Variants in RCHY1 observed in about 807,000 individuals in gnomAD.
RCHY1 encodes RING finger and CHY zinc finger domain-containing protein 1.
In RCHY1, 21 loss-of-function variants were observed where a neutral mutation model predicts 41.6. That is an observed-to-expected ratio of 0.51 (90% confidence interval 0.36 to 0.73). The LOEUF is 0.73. Among genes scored for constraint, RCHY1 ranks in the 30% least tolerant of loss-of-function variants. The probability of loss-of-function intolerance (pLI) is 0.00; values close to 1 mark genes in which losing one functional copy is unlikely to be tolerated. For synonymous variants in RCHY1, 79 were observed against 102.9 expected (o/e 0.77, Z 1.41); for missense variants, 265 against 325.3 (o/e 0.81, Z 1.43).
chr4:75,509,408 C>T, intron 1 of RCHY1, 112 bp from the exon 2 acceptor site: 1 of 922,342 alleles, frequency 1.1e-6, no homozygotes. Context: ...AAGATTACAA[C>T]CAATAGATCA....
At chr4:75,487,577 CAT>C (rs372405343) in intron 8 of RCHY1, among the ~76,000 whole-genome samples, 14,784 of 44,848 alleles carry the variant, frequency 0.33, 2,602 homozygotes, top group South Asian at 0.39. Context: ...TATATATATT[CAT>C]ATATATATTC....
chr4:75,512,449 G>A (rs549118475), intron 1 of RCHY1, among the ~76,000 whole-genome samples: 1 of 152,200 alleles, frequency 6.6e-6, no homozygotes, highest in Non-Finnish European at 1.5e-5. Flanking sequence ...ATGTTTCTAA[G>A]GCCAACTCCT....
chr4:75,490,512 C>A, intron 8 of RCHY1, 69 bp downstream of exon 8: 1 of 1,330,126 alleles, frequency 7.5e-7, no homozygotes, highest in Non-Finnish European at 1.0e-6. Context: ...TTGGCAAATT[C>A]AAGCAGGAGG....
At position 75,514,399 on chromosome 4, in the gene RCHY1, A is replaced by C; in HGVS notation, c.-113T>G. On this transcript the variant is annotated 5_prime_UTR_variant, in exon 1 of 9. The change creates a new upstream start codon in the 5' untranslated region. Transcript: ENST00000324439. ...CCCAGCCCCAGCGGCCACTAGCGAC[A>C]ATATGGCTCCTAAGCACGTGACCCG... 4.8e-6 allele frequency: 6 copies of C among 1,242,750 alleles called. No homozygotes were observed. The South Asian group carries it at 8.9e-5, about 18-fold the overall frequency. The allele number at this position is 1,242,750 out of a possible 1,614,324, so 77.0% of individuals were successfully genotyped here.
chr4:75,480,259 G>A lies in RCHY1; in HGVS notation c.*2279C>T, dbSNP rs1560505892. The A allele has an allele frequency of 2.0e-5, 3 of 152,160 alleles. No individual in the cohort carries two copies. The highest frequency in any genetic ancestry group is 4.1e-4 in the South Asian group (2 of 4,834). 9.4% of individuals were successfully genotyped at this position (152,160 alleles called of 1,614,324 possible). ...TATTTTGGACATGTTTGGATCCTAAGTTAAAGAAACAATCAGATTGTGAAA... is the reference window on the plus strand; with the variant it reads ...TATTTTGGACATGTTTGGATCCTAAATTAAAGAAACAATCAGATTGTGAAA... On this transcript the variant is annotated 3_prime_UTR_variant, in exon 9 of 9. Transcript: ENST00000324439.
intron 3 of RCHY1, among the ~76,000 whole-genome samples, chr4:75,505,305 C>T (rs1724188639): frequency 6.6e-6 from 1 of 152,186 alleles, no homozygotes; most frequent in Non-Finnish European, 1.5e-5. Context: ...ACAGGCCATG[C>T]ACCAGAATCC....
chr4:75,502,657 C>G (rs1455398417), intron 3 of RCHY1, among the ~76,000 whole-genome samples: 2 of 152,124 alleles, frequency 1.3e-5, no homozygotes, highest in Non-Finnish European at 2.9e-5. Context: ...TTTCATAAAT[C>G]TGATACATTA....
At chr4:75,510,968 T>G (rs1724806178) in intron 1 of RCHY1, among the ~76,000 whole-genome samples, 1 of 152,156 alleles carries the variant, frequency 6.6e-6, no homozygotes, top group Admixed American at 6.5e-5. Context: ...TTTAATAGCC[T>G]TTTTGGAGAA....
chr4:75,510,258 G>A (rs184884910), intron 1 of RCHY1, among the ~76,000 whole-genome samples: 4 of 152,200 alleles, frequency 2.6e-5, no homozygotes, highest in Admixed American at 2.0e-4. Flanking sequence ...TCTCATCCCT[G>A]GAGTGACCAT....
At chr4:75,488,041 C>T (rs981059234) in intron 8 of RCHY1, among the ~76,000 whole-genome samples, 1 of 148,976 alleles carries the variant, frequency 6.7e-6, no homozygotes, top group African/African-American at 2.5e-5. Context: ...TACAAAGGGC[C>T]CCTGCGGTAT....
intron 8 of RCHY1, among the ~76,000 whole-genome samples, chr4:75,487,821 CATAAT>C (rs1722354363): frequency 2.0e-5 from 1 of 50,602 alleles, no homozygotes; most frequent in Non-Finnish European, 4.0e-5. Flanking sequence ...AATATATATT[CATAAT>C]ATATATATTC....
intron 1 of RCHY1, among the ~76,000 whole-genome samples, chr4:75,510,887 C>T (rs980448789): frequency 1.3e-5 from 2 of 152,132 alleles, no homozygotes; most frequent in Non-Finnish European, 2.9e-5. Flanking sequence ...TGCATTCAAA[C>T]AGTTGTGGCT....
chr4:75,487,554 AATATATTCATAAT>A (rs1722180357), intron 8 of RCHY1, among the ~76,000 whole-genome samples: 1 of 48,316 alleles, frequency 2.1e-5, no homozygotes, highest in African/African-American at 7.3e-5. Flanking sequence ...ATATATTCAT[AATATATTCATAAT>A]ATATATATTC....
In RCHY1 at chr4:75,494,095, A is replaced by G; in HGVS notation, c.405+6T>C. 1 of 1,472,092 alleles carries G rather than the reference A, an allele frequency of 6.8e-7. No homozygotes were observed. Among genetic ancestry groups the G allele is most frequent in the African/African-American group, 1.5e-5 (1 of 68,792 alleles). 91.2% of individuals were successfully genotyped at this position (1,472,092 alleles called of 1,614,324 possible). A position where few individuals can be genotyped will look rare whatever the true frequency, so the allele number is the denominator to read the frequency against. On this transcript the variant is annotated splice_donor_region_variant and intron_variant, in intron 4 of 8. Coordinates refer to ENST00000324439, the MANE Select transcript of RCHY1 (RefSeq NM_015436.4). ...TTTTTAAAATTATACAAACTAAATT[A>G]TATACCTTGTGTCTTCCTTGAAGAT...
At chr4:75,512,595 CT>C (rs908914165) in intron 1 of RCHY1, among the ~76,000 whole-genome samples, 6 of 152,190 alleles carry the variant, frequency 3.9e-5, no homozygotes, top group Non-Finnish European at 8.8e-5. Flanking sequence ...TGCTGTAATA[CT>C]TCCTCTCTTA....
At chr4:75,484,557 G>GAA (rs1233118081) in intron 8 of RCHY1, among the ~76,000 whole-genome samples, 1 of 152,042 alleles carries the variant, frequency 6.6e-6, no homozygotes, top group Non-Finnish European at 1.5e-5. Context: ...TTTAAGTAGA[G>GAA]AAAAATCACT....
intron 8 of RCHY1, among the ~76,000 whole-genome samples, chr4:75,490,004 A>T (rs1722604348): frequency 6.6e-6 from 1 of 152,188 alleles, no homozygotes; most frequent in Admixed American, 6.5e-5. Flanking sequence ...TTTAGTGTGG[A>T]CAGTTTTTTC....
chr4:75,486,807 C>T (rs1403672661), intron 8 of RCHY1, among the ~76,000 whole-genome samples: 1 of 152,002 alleles, frequency 6.6e-6, no homozygotes, highest in Non-Finnish European at 1.5e-5. Context: ...AGTGAAACCC[C>T]GTCTCTACTA....
In RCHY1 at chr4:75,480,420, A is replaced by G. The variant is rs1721429577; in HGVS notation, c.*2118T>C. The G allele has an allele frequency of 1.3e-5, 2 of 152,306 alleles. No individual in the cohort carries two copies. Among genetic ancestry groups the G allele is most frequent in the Non-Finnish European group, 1.5e-5 (1 of 68,010 alleles). The allele number at this position is 152,306 out of a possible 1,614,324, so 9.4% of individuals were successfully genotyped here. A position where few individuals can be genotyped will look rare whatever the true frequency, so the allele number is the denominator to read the frequency against. Reference sequence around the variant, plus strand: ...AGTTTAGATCAAAAGCAATGTGGTAAAAGTGGGTTTGGAGTCAAACTTGGA... The same window carrying G: ...AGTTTAGATCAAAAGCAATGTGGTAGAAGTGGGTTTGGAGTCAAACTTGGA... On this transcript the variant is annotated 3_prime_UTR_variant, in exon 9 of 9. Coordinates refer to ENST00000324439, the MANE Select transcript of RCHY1 (RefSeq NM_015436.4).
Sources: gnomAD v4.1 joint callset for allele counts (sites outside exome capture counted in the v4.1 genomes callset) on GRCh38, gnomAD v4.1.1 for gene constraint, MANE v1.5 for transcripts, NCBI Gene and HGNC (gene_info 2026-07-23, HGNC 2026-07-21) for gene names.